IL4R: variants seen among roughly 807,000 people sequenced by gnomAD.
IL4R encodes the protein interleukin-4 receptor subunit alpha.
A neutral mutation model predicts 41.5 loss-of-function variants in IL4R; 17 were observed. The observed-to-expected ratio is 0.41, with a 90% CI of 0.28 to 0.61. IL4R has a LOEUF of 0.61. IL4R is among the 20% of genes least tolerant of loss of function. The pLI is 0.31. For missense variants in IL4R, 974 were observed against 1,043.1 expected, an observed-to-expected ratio of 0.93 and a Z score of 0.91; for synonymous variants, 402 against 422.9, an observed-to-expected ratio of 0.95 and a Z score of 0.61.
intron 3 of IL4R, among the ~76,000 whole-genome samples, chr16:27,341,767 C>T (rs1189861186): frequency 3.9e-5 from 6 of 152,192 alleles, no homozygotes; most frequent in Non-Finnish European, 8.8e-5. Flanking sequence ...GGCACTTCCC[C>T]TAGCTCGAGG....
intron 6 of IL4R, among the ~76,000 whole-genome samples, chr16:27,348,448 G>C (rs1025759786): frequency 2.0e-5 from 3 of 152,284 alleles, no homozygotes; most frequent in African/African-American, 7.2e-5. Context: ...TTCTAGATCT[G>C]CCTTCAGGCA....
At chr16:27,334,722 C>A (rs1249716534) in intron 2 of IL4R, among the ~76,000 whole-genome samples, 2 of 152,070 alleles carry the variant, frequency 1.3e-5, no homozygotes, top group Non-Finnish European at 2.9e-5. Flanking sequence ...ACCCACCACC[C>A]CATTCCCGCC....
chr16:27,328,969 G>A (rs1415710685), intron 1 of IL4R, among the ~76,000 whole-genome samples: 1 of 152,074 alleles, frequency 6.6e-6, no homozygotes, highest in East Asian at 1.9e-4. Context: ...ATATAGTTGG[G>A]ATGTCATCCT....
At chr16:27,315,458 G>A (rs981124994) in intron 1 of IL4R, 2 of 152,546 alleles carry the variant, frequency 1.3e-5, no homozygotes, top group Non-Finnish European at 2.9e-5. Context: ...GTGAGGGCTG[G>A]GAGGGTGCGG....
chr16:27,340,011 T>G (rs1177794661), intron 2 of IL4R, among the ~76,000 whole-genome samples, 175 bp from the exon 3 acceptor site: 1 of 151,988 alleles, frequency 6.6e-6, no homozygotes, highest in Non-Finnish European at 1.5e-5. Flanking sequence ...GAGCTGAGAT[T>G]GCACCACTGC....
rs141504450 is a variant in IL4R at position 27,363,095 on chromosome 16, G to A, written c.1743G>A (p.Ala581=). 3.5e-4 allele frequency: 572 copies of A among 1,614,082 alleles called. No individual in the cohort carries two copies. The African/African-American group carries it at 6.3e-3, about 18-fold the overall frequency. Residue 581 remains alanine (A), a synonymous_variant, in exon 11 of 11, where the codon GCG becomes GCA. Coordinates refer to ENST00000395762, the MANE Select transcript of IL4R (RefSeq NM_000418.4). ...GTGGCTATCAGGAGTTTGTACATGC[G>A]GTGGAGCAGGGTGGCACCCAGGCCA... ...PTSGYQEFVH[A]VEQGGTQASA... is the part of the protein sequence containing the mutation.
At chr16:27,358,323 A>C (rs1177188518) in intron 8 of IL4R, among the ~76,000 whole-genome samples, 1 of 152,288 alleles carries the variant, frequency 6.6e-6, no homozygotes, top group Non-Finnish European at 1.5e-5. Context: ...CAAACATAGA[A>C]GGTGCTCAAT....
intron 9 of IL4R, chr16:27,359,866 C>CT: frequency 2.3e-6 from 1 of 437,962 alleles, no homozygotes; most frequent in South Asian, 1.6e-5. Context: ...GTTACAACAA[C>CT]TTTATTTAGC....
chr16:27,320,676 C>T (rs550644866), intron 1 of IL4R, among the ~76,000 whole-genome samples: 193 of 152,328 alleles, frequency 1.3e-3, no homozygotes, highest in African/African-American at 4.4e-3. Flanking sequence ...TGAGCATAGT[C>T]GCCCAGAACC....
chr16:27,322,926 A>G (rs1395293651), intron 1 of IL4R, among the ~76,000 whole-genome samples: 1 of 151,844 alleles, frequency 6.6e-6, no homozygotes, highest in East Asian at 1.9e-4. Context: ...CCAGCCTGCC[A>G]CGGTCTCCCA....
chr16:27,331,713 G>C (rs1162422148), intron 2 of IL4R, among the ~76,000 whole-genome samples: 1 of 152,076 alleles, frequency 6.6e-6, no homozygotes, highest in South Asian at 2.1e-4. Context: ...CAAGTCAACT[G>C]TGTCCTTACT....
intron 1 of IL4R, among the ~76,000 whole-genome samples, chr16:27,326,437 T>G (rs1004551276): frequency 1.3e-5 from 2 of 151,958 alleles, no homozygotes; most frequent in Non-Finnish European, 2.9e-5. Context: ...GAGTTTGAGG[T>G]TGCAGTGAGC....
chr16:27,324,738 C>T (rs1279448311), intron 1 of IL4R, among the ~76,000 whole-genome samples: 1 of 152,242 alleles, frequency 6.6e-6, no homozygotes, highest in Non-Finnish European at 1.5e-5. Flanking sequence ...ACAGGCCTGG[C>T]TTCCAGGATC....
At chr16:27,320,958 T>G (rs559641715) in intron 1 of IL4R, among the ~76,000 whole-genome samples, 2 of 151,728 alleles carry the variant, frequency 1.3e-5, no homozygotes, top group South Asian at 4.2e-4. Context: ...CTTTTTTTTT[T>G]TTTGAGATGG....
rs143309296 is a variant in IL4R at position 27,360,791 on chromosome 16, G to A, written c.875G>A (p.Arg292Gln). Residue 292 changes from arginine (R) to glutamine (Q), a missense_variant, in exon 10 of 11, where the codon CGA (arginine) becomes CAA (glutamine). This residue lies in a region of IL4R where 682 missense variants were observed against 704.3 expected (regional missense o/e 0.97). Coordinates refer to ENST00000395762, the MANE Select transcript of IL4R (RefSeq NM_000418.4). ...AQGSQWEKRS[R>Q]GQEPAKCPHW... ...GGGTCACAGTGGGAGAAGCGGTCCCGAGGCCAGGAACCAGCCAAGTGCCCG... is the reference window on the plus strand; with the variant it reads ...GGGTCACAGTGGGAGAAGCGGTCCCAAGGCCAGGAACCAGCCAAGTGCCCG... 24 of 1,614,010 alleles carry A rather than the reference G, an allele frequency of 1.5e-5. No homozygotes were observed. The highest frequency in any genetic ancestry group is 5.5e-5 in the South Asian group (5 of 91,088).
rs760634504 is a variant in IL4R, at chr16:27,358,956, C to G, written c.811C>G (p.Arg271Gly). The G allele has an allele frequency of 3.7e-6, 6 of 1,613,876 alleles. No homozygotes were observed. Among genetic ancestry groups the G allele is most frequent in the Non-Finnish European group, 1.7e-6 (2 of 1,179,896 alleles). The stretch of plus-strand genomic sequence containing the variant: ...GTGGGATCAGATTCCCAACCCAGCC[C>G]GCAGCCGCCTCGTGGCTATAATAAT... ...EWWDQIPNPA[R>G]SRLVAIIIQD... The change falls in exon 9 of 11, where the codon CGC (arginine) becomes GGC (glycine). Residue 271 changes from arginine to glycine, a missense_variant. Physicochemically the swap from Arg to Gly is moderately radical, Grantham distance 125. Coordinates refer to ENST00000395762, the MANE Select transcript of IL4R (RefSeq NM_000418.4).
intron 2 of IL4R, 134 bp from the exon 3 acceptor site, chr16:27,340,052 G>A (rs1196614246): frequency 1.6e-6 from 1 of 634,542 alleles, no homozygotes; most frequent in African/African-American, 1.8e-5. Flanking sequence ...GCGAGACTCT[G>A]TCTCGGAAAA....
At chr16:27,315,097 C>G (rs1207920666) in intron 1 of IL4R, among the ~76,000 whole-genome samples, 1 of 152,172 alleles carries the variant, frequency 6.6e-6, no homozygotes, top group African/African-American at 2.4e-5. Flanking sequence ...GTTCTAGTCT[C>G]TCCCCTTCCC....
chr16:27,339,051 C>T (rs1335443815), intron 2 of IL4R, among the ~76,000 whole-genome samples: 42 of 152,052 alleles, frequency 2.8e-4, no homozygotes, highest in Admixed American at 2.8e-3. Context: ...GACGGGGTTT[C>T]TCCATGTTGG....
Sources: allele counts gnomAD v4.1 joint callset (sites outside exome capture counted in the v4.1 genomes callset), GRCh38; gene constraint gnomAD v4.1.1; regional missense constraint gnomAD v4.1.1; transcripts MANE v1.5; gene names NCBI Gene and HGNC (gene_info 2026-07-23, HGNC 2026-07-21).